FST: variants seen among roughly 807,000 people sequenced by gnomAD.
The protein encoded by FST is follistatin, also known as activin-binding protein.
Under a neutral mutation model 38.4 loss-of-function variants are expected in FST, and 6 were observed. The ratio of observed to expected loss-of-function variants is 0.16; its 90% confidence interval spans 0.09 to 0.31. The LOEUF (loss-of-function observed/expected upper bound fraction) is 0.31. FST is among the 10% of genes least tolerant of loss of function. The pLI is 1.00. For missense variants in FST, 301 were observed against 432.3 expected (o/e 0.70, Z 2.69); for synonymous variants, 157 against 169.8 (o/e 0.92, Z 0.59).
chr5:53,484,207 T>A lies in FST; in HGVS notation c.635T>A (p.Val212Asp). ...CAATATCTCTGTGGGAATGATGGAG[T>A]CACCTACTCCAGTGCCTGCCACCTG... ...SEQYLCGNDG[V>D]TYSSACHLRK... Residue 212 changes from valine to aspartate, a missense_variant, in exon 4 of 6, where the codon GTC becomes GAC. By Grantham distance (152) the Val-to-Asp change is radical. Coordinates refer to ENST00000256759, the MANE Select transcript of FST (RefSeq NM_013409.3). 1 of 1,613,280 alleles carries A rather than the reference T, an allele frequency of 6.2e-7. No individual in the cohort carries two copies. The highest frequency in any genetic ancestry group is 8.5e-7 in the Non-Finnish European group (1 of 1,179,238).
chr5:53,481,538 C>T (rs1458813145), intron 1 of FST, among the ~76,000 whole-genome samples: 3 of 142,476 alleles, frequency 2.1e-5, no homozygotes, highest in African/African-American at 5.3e-5. Flanking sequence ...TTTTTCCCCT[C>T]TGCCTCATTC....
In FST at chr5:53,485,188, G is replaced by A. The variant is rs1486368153; in HGVS notation, c.913G>A (p.Gly305Ser). The A allele has an allele frequency of 2.5e-6, 4 of 1,611,524 alleles. No homozygotes were observed. The highest frequency in any genetic ancestry group is 2.7e-5 in the African/African-American group (2 of 74,870). The change falls in exon 5 of 6, where the codon GGT becomes AGT. Residue 305 changes from glycine to serine, a missense_variant. Transcript: ENST00000256759. Reference protein sequence around the residue: ...CAMKEAACSSGVLLEVKHSGS... With the variant: ...CAMKEAACSSSVLLEVKHSGS... The stretch of plus-strand genomic sequence containing the variant: ...CATGAAGGAAGCTGCCTGCTCCTCA[G>A]GTGTGCTACTGGAAGTAAAGCACTC...
Position 53,482,977 on chromosome 5 carries a change from G to C in FST, c.183G>C (p.Leu61=), listed in dbSNP as rs768975703. ...SKEECCSTGR[L]STSWTEEDVN... is the part of the protein sequence containing the mutation. ...AGGAGTGCTGCAGCACCGGCCGGCT[G>C]AGCACCTCGTGGACCGAGGAGGACG... Residue 61 remains leucine, a synonymous_variant, in exon 2 of 6, where the codon CTG becomes CTC. Coordinates refer to ENST00000256759, the MANE Select transcript of FST (RefSeq NM_013409.3). The C allele has an allele frequency of 4.2e-5, 67 of 1,613,306 alleles. No homozygotes were observed. The highest frequency in any genetic ancestry group is 5.3e-5 in the Non-Finnish European group (62 of 1,179,354).
intron 1 of FST, 28 bp from the exon 2 acceptor site, chr5:53,482,852 C>T: frequency 1.3e-6 from 2 of 1,485,760 alleles, no homozygotes; most frequent in Non-Finnish European, 1.8e-6. Context: ...GCTCACTCAC[C>T]CACCTCCCCA....
intron 1 of FST, among the ~76,000 whole-genome samples, chr5:53,481,080 G>A (rs1747173525): frequency 6.6e-6 from 1 of 152,032 alleles, no homozygotes; most frequent in Non-Finnish European, 1.5e-5. Context: ...CGGTTATCTT[G>A]AAAAAGGAAA....
chr5:53,485,435 G>A (rs535042781), intron 5 of FST, among the ~76,000 whole-genome samples: 1 of 152,116 alleles, frequency 6.6e-6, no homozygotes, highest in African/African-American at 2.4e-5. Context: ...TCATCAATGG[G>A]GTTGCCTCTA....
In FST at chr5:53,485,214, C is replaced by T. The variant is rs746721737; in HGVS notation, c.939C>T (p.Ser313=). Residue 313 remains serine (S), a synonymous_variant, in exon 5 of 6, where the codon TCC becomes TCT. Coordinates refer to ENST00000256759, the MANE Select transcript of FST (RefSeq NM_013409.3). The stretch of plus-strand genomic sequence containing the variant: ...GTGTGCTACTGGAAGTAAAGCACTC[C>T]GGATCTTGCAACTGTAAGTGCGATT... The part of the protein sequence containing the change: ...SSGVLLEVKH[S]GSCNSISEDT... 211 of 1,590,312 alleles carry T rather than the reference C, an allele frequency of 1.3e-4. No individual in the cohort carries two copies. Among genetic ancestry groups the T allele is most frequent in the East Asian group, 2.2e-4 (10 of 44,772 alleles).
rs1202538500 is a variant in FST at position 53,480,815 on chromosome 5, G to A, written c.24G>A (p.Pro8=). 6.6e-7 allele frequency: 1 copy of A among 1,524,208 alleles called. No individual in the cohort carries two copies. The highest frequency in any genetic ancestry group is 1.2e-5 in the South Asian group (1 of 81,384). The allele number at this position is 1,524,208 out of a possible 1,614,324, so 94.4% of individuals were successfully genotyped here. The change falls in exon 1 of 6, where the codon CCG becomes CCA. Residue 8 remains proline, a synonymous_variant. Transcript: ENST00000256759. ...GGATGGTCCGCGCGAGGCACCAGCC[G>A]GGTGGGCTTTGCCTCCTGCTGCTGC... MVRARHQ[P]GGLCLLLLLL...
chr5:53,482,352 C>G (rs533076070), intron 1 of FST, among the ~76,000 whole-genome samples: 3 of 150,742 alleles, frequency 2.0e-5, no homozygotes, highest in African/African-American at 7.3e-5. Flanking sequence ...CTCTCTCTCC[C>G]CTCCATCTCT....
rs752329141 is a variant in FST, at chr5:53,480,879, A to G, written c.85+3A>G. The G allele has an allele frequency of 1.0e-5, 15 of 1,506,582 alleles. No homozygotes were observed. The highest frequency in any genetic ancestry group is 5.2e-5 in the East Asian group (2 of 38,810). The allele number at this position is 1,506,582 out of a possible 1,614,324, so 93.3% of individuals were successfully genotyped here. A position where few individuals can be genotyped will look rare whatever the true frequency, so the allele number is the denominator to read the frequency against. On this transcript the variant is annotated splice_donor_region_variant and intron_variant, in intron 1 of 5. Coordinates refer to ENST00000256759, the MANE Select transcript of FST (RefSeq NM_013409.3). ...CATGGAGGACCGCAGTGCCCAGGGT[A>G]AGCGAGTGGGGATGCGCTGGGGAGG... is the stretch of plus-strand genomic sequence containing the variant.
chr5:53,482,596 T>C, intron 1 of FST: 5 of 457,558 alleles, frequency 1.1e-5, no homozygotes, highest in Non-Finnish European at 1.2e-5. Context: ...GTAACTGACA[T>C]TGATATGGCT....
At chr5:53,481,480 A>AAAAAAAG (rs1747206466) in intron 1 of FST, among the ~76,000 whole-genome samples, 2 of 150,220 alleles carry the variant, frequency 1.3e-5, no homozygotes, top group African/African-American at 2.4e-5. Context: ...AAAAAAAAAA[A>AAAAAAAG]AAAAAAGCCA....
intron 5 of FST, 113 bp downstream of exon 5, chr5:53,485,340 G>C: frequency 3.0e-6 from 2 of 662,000 alleles, no homozygotes; most frequent in African/African-American, 3.6e-5. Flanking sequence ...GTTCAAATTA[G>C]GTAGCTGCTA....
rs763716986 is a variant in FST, at chr5:53,485,976, G to A, written c.978G>A (p.Glu326=). 2 of 1,606,798 alleles carry A rather than the reference G, an allele frequency of 1.2e-6. No individual in the cohort carries two copies. The highest frequency in any genetic ancestry group is 2.2e-5 in the East Asian group (1 of 44,764). The change falls in exon 6 of 6, where the codon GAG becomes GAA. Residue 326 remains glutamate (E), a synonymous_variant. Coordinates refer to ENST00000256759, the MANE Select transcript of FST (RefSeq NM_013409.3). ...CCATTTCGGAAGACACCGAGGAAGA[G>A]GAGGAAGATGAAGACCAGGACTACA... is the stretch of plus-strand genomic sequence containing the variant. ...CNSISEDTEE[E]EEDEDQDYSF...
chr5:53,485,105 G>C lies in FST; in HGVS notation c.830G>C (p.Ser277Thr), dbSNP rs772915875. 6.2e-7 allele frequency: 1 copy of C among 1,611,888 alleles called. No individual in the cohort carries two copies. Among genetic ancestry groups the C allele is most frequent in the African/African-American group, 1.3e-5 (1 of 74,862 alleles). ...CTCTGTGATGAGCTGTGCCCTGACA[G>C]TAAGTCGGATGAGCCTGTCTGTGCC... ...CSLCDELCPD[S>T]KSDEPVCASD... The change falls in exon 5 of 6, where the codon AGT becomes ACT. Residue 277 changes from serine to threonine, a missense_variant. Ser to Thr is a moderately conservative substitution (Grantham distance 58). Coordinates refer to ENST00000256759, the MANE Select transcript of FST (RefSeq NM_013409.3).
At position 53,486,088 on chromosome 5, in the gene FST, AAAAAAG is replaced by A. The variant is rs1561300688; in HGVS notation, c.*67_*72del. On this transcript the variant is annotated 3_prime_UTR_variant, in exon 6 of 6. Transcript: ENST00000256759. ...GCCTTTGTGCAAAAAAAAAAAAAAA[AAAAAAG>A]AAAAAGAAAAAAAGAAAAATATATT... 18 of 904,598 alleles carry A rather than the reference AAAAAAG, an allele frequency of 2.0e-5. No individual in the cohort carries two copies. Among genetic ancestry groups the A allele is most frequent in the South Asian group, 3.4e-5 (2 of 59,030 alleles). 56.0% of individuals were successfully genotyped at this position (904,598 alleles called of 1,614,324 possible).
rs750364956 is a variant in FST, at chr5:53,482,968, C to T, written c.174C>T (p.Thr58=). The change falls in exon 2 of 6, where the codon ACC becomes ACT. Residue 58 remains threonine (T), a synonymous_variant. Coordinates refer to ENST00000256759, the MANE Select transcript of FST (RefSeq NM_013409.3). ...TGAGCAAGGAGGAGTGCTGCAGCAC[C>T]GGCCGGCTGAGCACCTCGTGGACCG... ...TELSKEECCS[T]GRLSTSWTEE... is the part of the protein sequence containing the mutation. The T allele has an allele frequency of 3.1e-6, 5 of 1,613,028 alleles. No homozygotes were observed. The South Asian group carries it at 4.4e-5, about 14-fold the overall frequency.
chr5:53,482,848 TCACC>T, intron 1 of FST, 28 bp from the exon 2 acceptor site: 2 of 1,446,756 alleles, frequency 1.4e-6, no homozygotes, highest in Non-Finnish European at 1.9e-6. Flanking sequence ...CACTGCTCAC[TCACC>T]CACCTCCCCA....
chr5:53,482,682 T>A, intron 1 of FST, 198 bp from the exon 2 acceptor site: 6 of 421,920 alleles, frequency 1.4e-5, no homozygotes, highest in Non-Finnish European at 2.2e-5. Flanking sequence ...GGCTTCCCCC[T>A]CCACTGCCTT....
Sources: gnomAD v4.1 joint callset for allele counts (sites outside exome capture counted in the v4.1 genomes callset) on GRCh38, gnomAD v4.1.1 for gene constraint, MANE v1.5 for transcripts, NCBI Gene and HGNC (gene_info 2026-07-23, HGNC 2026-07-21) for gene names.